The following TYRP1 variants were observed in gnomAD, a reference collection of about 807,000 sequenced individuals.
The protein encoded by TYRP1 is tyrosinase related protein 1.
A neutral mutation model predicts 42.8 loss-of-function variants in TYRP1; 49 were observed. That is an observed-to-expected ratio of 1.14 (90% CI 0.91 to 1.45). TYRP1 has a LOEUF of 1.45. Among genes scored for constraint, TYRP1 ranks in the 40% most tolerant of loss-of-function variants. TYRP1 has a pLI of 0.00. For missense variants in TYRP1, 848 were observed against 662.0 expected (o/e 1.28, Z -3.08); for synonymous variants, 279 against 235.4 (o/e 1.19, Z -1.69).
At position 12,707,998 on chromosome 9, in the gene TYRP1, T is replaced by A. The variant is rs150370598; in HGVS notation, c.1263T>A (p.Asp421Glu). 1 of 1,610,580 alleles carries A rather than the reference T, an allele frequency of 6.2e-7. No individual in the cohort carries two copies. The highest frequency in any genetic ancestry group is 8.5e-7 in the Non-Finnish European group (1 of 1,177,676). Residue 421 changes from aspartate (D) to glutamate (E), a missense_variant and splice_region_variant, in exon 7 of 8, where the codon GAT becomes GAA. Coordinates refer to ENST00000388918, the MANE Select transcript of TYRP1 (RefSeq NM_000550.3). ...TACGTTGTCTTTGGAATAATTTAGA[T>A]ATATCCACATTTCCATTGGAAAATG... ...FDEWLRRYNA[D>E]ISTFPLENAP...
At chr9:12,698,281 G>A (rs560331899) in intron 3 of TYRP1, among the ~76,000 whole-genome samples, 170 bp from the exon 4 acceptor site, 1 of 152,022 alleles carries the variant, frequency 6.6e-6, no homozygotes, top group Non-Finnish European at 1.5e-5. Context: ...TACCAGCTTT[G>A]TTAAATAAGG....
Position 12,708,053 on chromosome 9 carries a change from A to C in TYRP1, c.1318A>C (p.Met440Leu). The C allele has an allele frequency of 6.2e-7, 1 of 1,612,774 alleles. No homozygotes were observed. The highest frequency in any genetic ancestry group is 8.5e-7 in the Non-Finnish European group (1 of 1,179,234). ...TATTGGACATAATAGACAATACAAC[A>C]TGGTGCCATTCTGGCCCCCAGTCAC... ...APIGHNRQYNMVPFWPPVTNT... is the reference protein window; with the variant it reads ...APIGHNRQYNLVPFWPPVTNT... Residue 440 changes from methionine to leucine, a missense_variant, in exon 7 of 8, where the codon ATG becomes CTG. Met to Leu is a conservative substitution (Grantham distance 15). Transcript: ENST00000388918.
chr9:12,705,005 C>G (rs142938143), intron 6 of TYRP1, among the ~76,000 whole-genome samples: 1 of 151,998 alleles, frequency 6.6e-6, no homozygotes, highest in African/African-American at 2.4e-5. Flanking sequence ...TTCTTACCCT[C>G]ATCTTCCAAC....
chr9:12,709,229 T>G lies in TYRP1; in HGVS notation c.*47T>G, dbSNP rs184726569. 8 of 1,530,428 alleles carry G rather than the reference T, an allele frequency of 5.2e-6. No individual in the cohort carries two copies. In the Admixed American group the frequency reaches 1.3e-4, roughly 26 times the overall value. The allele number at this position is 1,530,428 out of a possible 1,614,324, so 94.8% of individuals were successfully genotyped here. On this transcript the variant is annotated 3_prime_UTR_variant, in exon 8 of 8. Transcript: ENST00000388918. Reference sequence around the variant, plus strand: ...CATTAGTATCACAAAACCACCTGGTTGAATATAATAGATTGAGTTATTAAC... The same window carrying G: ...CATTAGTATCACAAAACCACCTGGTGGAATATAATAGATTGAGTTATTAAC...
chr9:12,694,412 C>T (rs371606722), intron 2 of TYRP1, 31 bp downstream of exon 2: 2 of 1,611,804 alleles, frequency 1.2e-6, no homozygotes, highest in Non-Finnish European at 1.7e-6. Flanking sequence ...GTTCATAAGT[C>T]CTGCATGAGA....
intron 6 of TYRP1, among the ~76,000 whole-genome samples, chr9:12,705,162 C>T (rs17346161): frequency 0.062 from 9,398 of 152,010 alleles, 461 homozygotes; most frequent in Admixed American, 0.094. Flanking sequence ...AATTGTGTTC[C>T]ACTTGAAAAG....
At position 12,704,545 on chromosome 9, in the gene TYRP1, A is replaced by G; in HGVS notation, c.1101A>G (p.Gly367=). 2 of 1,611,848 alleles carry G rather than the reference A, an allele frequency of 1.2e-6. No homozygotes were observed. The highest frequency in any genetic ancestry group is 8.5e-7 in the Non-Finnish European group (1 of 1,179,396). Residue 367 remains glycine (G), a synonymous_variant, in exon 6 of 8, where the codon GGA becomes GGG. Coordinates refer to ENST00000388918, the MANE Select transcript of TYRP1 (RefSeq NM_000550.3). ...NTVEGYSDPT[G]KYDPAVRSLH... The stretch of plus-strand genomic sequence containing the variant: ...GTCTAGGTTACAGTGACCCCACGGG[A>G]AAGTATGACCCTGCTGTTCGAAGTC...
rs143113146 is a variant in TYRP1, at chr9:12,702,574, T to C, written c.1081+136T>C. On this transcript the variant is annotated intron_variant, in intron 5 of 7. Coordinates refer to ENST00000388918, the MANE Select transcript of TYRP1 (RefSeq NM_000550.3). ...TTTATGTGAATGAGATTTTCTATTA[T>C]GATACACCTGCTTGAAAAAGGAACT... 8.1e-5 allele frequency: 73 copies of C among 896,544 alleles called. No homozygotes were observed. The African/African-American group carries it at 1.2e-3, about 14-fold the overall frequency. 55.5% of individuals were successfully genotyped at this position (896,544 alleles called of 1,614,324 possible). A position where few individuals can be genotyped will look rare whatever the true frequency, so the allele number is the denominator to read the frequency against.
intron 4 of TYRP1, chr9:12,700,038 A>T (rs1366464350): frequency 6.6e-6 from 1 of 152,142 alleles, no homozygotes; most frequent in Non-Finnish European, 1.5e-5. Context: ...AAATATTTTT[A>T]AGATTATCCC....
chr9:12,709,105 C>G lies in TYRP1; in HGVS notation c.1537C>G (p.Pro513Ala). ...ARRSMDEANQPLLTDQYQCYA... is the reference protein window; with the variant it reads ...ARRSMDEANQALLTDQYQCYA... ...ACGCAGTATGGATGAAGCTAACCAGCCTCTCCTCACTGATCAGTATCAATG... is the reference window on the plus strand; with the variant it reads ...ACGCAGTATGGATGAAGCTAACCAGGCTCTCCTCACTGATCAGTATCAATG... Residue 513 changes from proline (P) to alanine (A), a missense_variant, in exon 8 of 8, where the codon CCT becomes GCT. Pro to Ala is a conservative substitution (Grantham distance 27, BLOSUM62 -1). Coordinates refer to ENST00000388918, the MANE Select transcript of TYRP1 (RefSeq NM_000550.3). 2 of 1,612,766 alleles carry G rather than the reference C, an allele frequency of 1.2e-6. No homozygotes were observed. The highest frequency in any genetic ancestry group is 8.5e-7 in the Non-Finnish European group (1 of 1,179,180).
chr9:12,704,816 G>T, intron 6 of TYRP1, 111 bp downstream of exon 6: 1 of 1,076,710 alleles, frequency 9.3e-7, no homozygotes, highest in Non-Finnish European at 1.4e-6. Flanking sequence ...TCAAAATAAG[G>T]ATAGCATAGC....
At position 12,710,089 on chromosome 9, in the gene TYRP1, A is replaced by G. The variant is rs1306742945; in HGVS notation, c.*907A>G. On this transcript the variant is annotated 3_prime_UTR_variant, in exon 8 of 8. Transcript: ENST00000388918. ...TTTCCAAGTAAAATATTAACATATT[A>G]TTTCATTGGTCTTCTTTTTTATCTG... 6.6e-6 allele frequency: 1 copy of G among 151,648 alleles called. No individual in the cohort carries two copies. Among genetic ancestry groups the G allele is most frequent in the Non-Finnish European group, 1.5e-5 (1 of 67,768 alleles). The allele number at this position is 151,648 out of a possible 1,614,324, so 9.4% of individuals were successfully genotyped here. A position where few individuals can be genotyped will look rare whatever the true frequency, so the allele number is the denominator to read the frequency against.
intron 5 of TYRP1, among the ~76,000 whole-genome samples, chr9:12,703,073 A>C (rs1026541981): frequency 6.6e-5 from 10 of 152,006 alleles, no homozygotes; most frequent in Admixed American, 5.3e-4. Flanking sequence ...GTTCAAATTC[A>C]AGTTTTCAAA....
At position 12,707,701 on chromosome 9, in the gene TYRP1, C is replaced by A. The variant is rs112403354; in HGVS notation, c.1262-296C>A. 316 of 295,346 alleles carry A rather than the reference C, an allele frequency of 1.1e-3. 1 individual carries two copies. The highest frequency in any genetic ancestry group is 6.3e-3 in the African/African-American group (286 of 45,672). 18.3% of individuals were successfully genotyped at this position (295,346 alleles called of 1,614,324 possible). On this transcript the variant is annotated intron_variant, in intron 6 of 7. Coordinates refer to ENST00000388918, the MANE Select transcript of TYRP1 (RefSeq NM_000550.3). ...CATTTAATGAATTTTATTCAAATTG[C>A]TTTATGTAATTTTTAAAAATTATTC...
Position 12,698,618 on chromosome 9 carries a change from C to G in TYRP1, c.876C>G (p.Ser292=), listed in dbSNP as rs777863437. The part of the protein sequence containing the change: ...VFSQWRVVCD[S]LEDYDTLGTL... ...CTCAATGGCGAGTGGTCTGTGACTCCTTGGAAGATTATGATACCCTGGGAA... is the reference window on the plus strand; with the variant it reads ...CTCAATGGCGAGTGGTCTGTGACTCGTTGGAAGATTATGATACCCTGGGAA... The change falls in exon 4 of 8, where the codon TCC becomes TCG. Residue 292 remains serine (S), a synonymous_variant. Coordinates refer to ENST00000388918, the MANE Select transcript of TYRP1 (RefSeq NM_000550.3). 1 of 1,613,718 alleles carries G rather than the reference C, an allele frequency of 6.2e-7. No homozygotes were observed. The highest frequency in any genetic ancestry group is 1.1e-5 in the South Asian group (1 of 91,072).
chr9:12,703,058 C>T (rs1012940866), intron 5 of TYRP1, among the ~76,000 whole-genome samples: 6 of 151,916 alleles, frequency 3.9e-5, no homozygotes, highest in South Asian at 2.1e-4. Context: ...ACTAACAGAG[C>T]GTAGGTTCAA....
intron 2 of TYRP1, among the ~76,000 whole-genome samples, chr9:12,695,083 T>C (rs938836336): frequency 8.5e-5 from 13 of 152,120 alleles, no homozygotes; most frequent in African/African-American, 2.7e-4. Flanking sequence ...ATTTTAATGA[T>C]TAAAAAAAAA....
At chr9:12,700,400 G>A (rs1041152009) in intron 4 of TYRP1, 5 of 152,172 alleles carry the variant, frequency 3.3e-5, no homozygotes, top group South Asian at 4.1e-4. Flanking sequence ...ATTGAAAATA[G>A]TTAATATTTT....
At position 12,702,383 on chromosome 9, in the gene TYRP1, T is replaced by C; in HGVS notation, c.1026T>C (p.Phe342=). Residue 342 remains phenylalanine (F), a synonymous_variant, in exon 5 of 8, where the codon TTT becomes TTC. Coordinates refer to ENST00000388918, the MANE Select transcript of TYRP1 (RefSeq NM_000550.3). The part of the protein sequence containing the change: ...DVAQCLEVGL[F]DTPPFYSNST... ...CTCAGTGCTTGGAAGTTGGTTTATT[T>C]GACACGCCTCCTTTTTATTCCAACT... is the stretch of plus-strand genomic sequence containing the variant. The C allele has an allele frequency of 6.2e-7, 1 of 1,613,138 alleles. No homozygotes were observed. The highest frequency in any genetic ancestry group is 8.5e-7 in the Non-Finnish European group (1 of 1,179,464).
Sources: allele counts gnomAD v4.1 joint callset (sites outside exome capture counted in the v4.1 genomes callset), GRCh38; gene constraint gnomAD v4.1.1; transcripts MANE v1.5; gene names NCBI Gene and HGNC (gene_info 2026-07-23, HGNC 2026-07-21).